Variants in HDAC9 observed in about 807,000 individuals in gnomAD.
The protein encoded by HDAC9 is MEF-2 interacting transcription repressor (MITR) protein.
Under a neutral mutation model 139.4 loss-of-function variants are expected in HDAC9, and 41 were observed. That is an observed-to-expected ratio of 0.29 (90% confidence interval 0.23 to 0.38). The LOEUF (loss-of-function observed/expected upper bound fraction) is 0.38, where lower values mean the gene tolerates loss of function less well. Among genes scored for constraint, HDAC9 ranks in the 10% least tolerant of loss-of-function variants. The pLI is 1.00. For missense variants in HDAC9, 1,147 were observed against 1,297.0 expected, an observed-to-expected ratio of 0.88 and a Z score of 1.78; for synonymous variants, 517 against 476.2, an observed-to-expected ratio of 1.09 and a Z score of -1.12.
intron 11 of HDAC9, 74 bp from the exon 12 acceptor site, chr7:18,666,139 A>G: frequency 7.0e-7 from 1 of 1,429,542 alleles, no homozygotes; most frequent in Non-Finnish European, 9.5e-7. Flanking sequence ...AGTTATTAGA[A>G]ATCAAAGTGT....
intron 6 of HDAC9, among the ~76,000 whole-genome samples, chr7:18,609,085 A>G (rs933554611): frequency 6.6e-6 from 1 of 152,190 alleles, no homozygotes; most frequent in Non-Finnish European, 1.5e-5. Context: ...TATATTTTGA[A>G]GTAGGTAATA....
chr7:18,123,398 G>A (rs915124646), intron 1 of HDAC9, among the ~76,000 whole-genome samples: 6 of 152,116 alleles, frequency 3.9e-5, no homozygotes, highest in Non-Finnish European at 7.3e-5. Flanking sequence ...GAACAGAGTC[G>A]TATGAAATTT....
intron 2 of HDAC9, among the ~76,000 whole-genome samples, chr7:18,208,734 A>T (rs34873524): frequency 0.15 from 23,287 of 151,960 alleles, 2,135 homozygotes; most frequent in Non-Finnish European, 0.2. Flanking sequence ...AAAAAAATTT[A>T]AAAAAAAATT....
At chr7:18,587,815 A>G (rs180931962) in intron 3 of HDAC9, among the ~76,000 whole-genome samples, 14 of 152,300 alleles carry the variant, frequency 9.2e-5, no homozygotes, top group Admixed American at 8.5e-4. Flanking sequence ...ATTGTTTTAA[A>G]CCTCATTCAT....
At chr7:18,855,329 T>C (rs1041980661) in intron 21 of HDAC9, among the ~76,000 whole-genome samples, 20 of 152,184 alleles carry the variant, frequency 1.3e-4, no homozygotes, top group African/African-American at 4.8e-4. Flanking sequence ...ACTGATTGAT[T>C]AGTGGCCATT....
At chr7:18,088,169 T>C (rs1240206307) in intron 1 of HDAC9, 3 of 152,208 alleles carry the variant, frequency 2.0e-5, no homozygotes, top group Non-Finnish European at 2.9e-5. Flanking sequence ...AGAAATGAGA[T>C]ATCTACATAT....
chr7:18,988,530 G>T (rs2129347339), intron 25 of HDAC9, among the ~76,000 whole-genome samples: 1 of 152,000 alleles, frequency 6.6e-6, no homozygotes, highest in African/African-American at 2.4e-5. Context: ...TGAAAAAAAT[G>T]TATATTCTGT....
At chr7:18,567,404 A>G (rs1027022803) in intron 2 of HDAC9, among the ~76,000 whole-genome samples, 1 of 152,206 alleles carries the variant, frequency 6.6e-6, no homozygotes, top group South Asian at 2.1e-4. Flanking sequence ...CCATGATAAT[A>G]CTTACCTTTT....
chr7:18,514,655 C>G (rs2128197067), intron 2 of HDAC9, among the ~76,000 whole-genome samples: 1 of 152,182 alleles, frequency 6.6e-6, no homozygotes, highest in Admixed American at 6.5e-5. Context: ...AAATAATTTT[C>G]TTGGCTGTGT....
chr7:18,917,329 A>G (rs1051600558), intron 22 of HDAC9, among the ~76,000 whole-genome samples: 2 of 151,076 alleles, frequency 1.3e-5, no homozygotes, highest in South Asian at 2.1e-4. Flanking sequence ...AAAAACTGGG[A>G]TTTTTTTTTC....
rs188731681 is a variant in HDAC9, at chr7:18,803,948, T to G, written c.2322+10496T>G. On this transcript the variant is annotated intron_variant, in intron 17 of 25. Coordinates refer to ENST00000686413, the MANE Select transcript of HDAC9 (RefSeq NM_178425.4). Reference sequence around the variant, plus strand: ...TACCTATCATATGCCAGAAACTACTTTAAATACTGAAAATACTGTGGTGAT... The same window carrying G: ...TACCTATCATATGCCAGAAACTACTGTAAATACTGAAAATACTGTGGTGAT... Among the ~76,000 whole-genome samples the G allele has an allele frequency of 3.2e-4, 48 of 152,302 alleles. No homozygotes were observed. In the East Asian group the frequency reaches 3.9e-3, roughly 12 times the overall value.
intron 24 of HDAC9, among the ~76,000 whole-genome samples, chr7:18,967,163 A>G (rs1783914511): frequency 6.6e-6 from 1 of 152,244 alleles, no homozygotes. Flanking sequence ...GACCAAAACA[A>G]AACAAAAATA....
intron 17 of HDAC9, among the ~76,000 whole-genome samples, chr7:18,819,788 G>C (rs1794829695): frequency 6.6e-6 from 1 of 152,174 alleles, no homozygotes; most frequent in East Asian, 1.9e-4. Context: ...TGCCTGAAGA[G>C]AAAGTAAAAC....
At chr7:18,787,840 T>G (rs1452687914) in intron 16 of HDAC9, among the ~76,000 whole-genome samples, 8 of 152,238 alleles carry the variant, frequency 5.3e-5, no homozygotes, top group East Asian at 1.9e-4. Context: ...CCAATTATAG[T>G]GATCCTCTCC....
intron 12 of HDAC9, among the ~76,000 whole-genome samples, chr7:18,714,541 C>A (rs897447334): frequency 2.6e-5 from 4 of 152,330 alleles, no homozygotes; most frequent in East Asian, 3.9e-4. Flanking sequence ...AATAGCCATG[C>A]TGACCTGCAC....
Position 18,997,218 on chromosome 7 carries a change from G to GTGTT in HDAC9, c.*1159_*1162dup. 6.6e-6 allele frequency: 1 copy of GTGTT among 151,318 alleles called. No individual in the cohort carries two copies. Among genetic ancestry groups the GTGTT allele is most frequent in the East Asian group, 1.9e-4 (1 of 5,154 alleles). 9.4% of individuals were successfully genotyped at this position (151,318 alleles called of 1,614,324 possible). A position where few individuals can be genotyped will look rare whatever the true frequency, so the allele number is the denominator to read the frequency against. ...TTAAGCAACGTTGCTAAATTTCTAT[G>GTGTT]TGTTTGAAATGTGTTAATGAAGGCA... is the stretch of plus-strand genomic sequence containing the variant. On this transcript the variant is annotated 3_prime_UTR_variant, in exon 26 of 26. Coordinates refer to ENST00000686413, the MANE Select transcript of HDAC9 (RefSeq NM_178425.4).
intron 1 of HDAC9, among the ~76,000 whole-genome samples, chr7:18,372,129 G>T (rs956982929): frequency 5.3e-5 from 8 of 152,126 alleles, no homozygotes; most frequent in Non-Finnish European, 1.2e-4. Context: ...AAACTGATTT[G>T]GTCTTTGACA....
chr7:18,671,049 G>T (rs139657782), intron 12 of HDAC9, among the ~76,000 whole-genome samples: 110 of 151,994 alleles, frequency 7.2e-4, no homozygotes, highest in Middle Eastern at 3.4e-3. Context: ...AAGGAGAAAG[G>T]ATTTCAGCAG....
At chr7:18,983,880 TCTTCTGTTTGGAATGTTTATC>T (rs576893570) in intron 25 of HDAC9, among the ~76,000 whole-genome samples, 117 of 152,144 alleles carry the variant, frequency 7.7e-4, no homozygotes, top group Non-Finnish European at 1.3e-3. Flanking sequence ...ACATGCCTTC[TCTTCTGTTTGGAATGTTTATC>T]CTGTCCTCTA....
Sources: gnomAD v4.1 joint callset for allele counts (sites outside exome capture counted in the v4.1 genomes callset) on GRCh38, gnomAD v4.1.1 for gene constraint, MANE v1.5 for transcripts, NCBI Gene and HGNC (gene_info 2026-07-23, HGNC 2026-07-21) for gene names.